The following FCHSD2 variants were observed in gnomAD, a reference collection of about 807,000 sequenced individuals.
FCHSD2 encodes the protein FCH and double SH3 domains 2.
A neutral mutation model predicts 108.1 loss-of-function variants in FCHSD2; 38 were observed. The observed-to-expected ratio is 0.35, with a 90% confidence interval of 0.27 to 0.46. The LOEUF (loss-of-function observed/expected upper bound fraction) is 0.46, where lower values mean the gene tolerates loss of function less well. Ranked by LOEUF, FCHSD2 falls within the 20% of genes least tolerant of loss-of-function variation. The pLI, the probability that FCHSD2 is intolerant of heterozygous loss-of-function variation, is 1.00. For synonymous variants in FCHSD2, 279 were observed against 314.7 expected (o/e 0.89, Z 1.20); for missense variants, 751 against 897.8 (o/e 0.84, Z 2.09).
Position 72,984,225 on chromosome 11 carries a change from T to C in FCHSD2, c.577-9A>G, listed in dbSNP as rs756263135. ...GATCGCCGGGCTTTTAACTAAAACA[T>C]AGCAAAATAAAATAATCAGTGCAAA... On this transcript the variant is annotated splice_polypyrimidine_tract_variant and intron_variant, in intron 7 of 19. Transcript: ENST00000409418. The C allele has an allele frequency of 1.4e-5, 22 of 1,613,384 alleles. No homozygotes were observed. The highest frequency in any genetic ancestry group is 6.7e-5 in the East Asian group (3 of 44,878).
At chr11:73,022,450 T>C (rs564737496) in intron 3 of FCHSD2, among the ~76,000 whole-genome samples, 3 of 152,322 alleles carry the variant, frequency 2.0e-5, no homozygotes, top group Non-Finnish European at 2.9e-5. Flanking sequence ...CCAAAGTTAA[T>C]TGCTCTCCTA....
At chr11:73,031,538 T>C (rs1488161283) in intron 3 of FCHSD2, among the ~76,000 whole-genome samples, 2 of 152,092 alleles carry the variant, frequency 1.3e-5, no homozygotes, top group African/African-American at 2.4e-5. Flanking sequence ...GAGACAGTAA[T>C]GCCAACATTT....
intron 2 of FCHSD2, among the ~76,000 whole-genome samples, chr11:73,097,771 T>A (rs1860126252): frequency 6.6e-6 from 1 of 152,196 alleles, no homozygotes. Context: ...ATTATTCATG[T>A]TATCATAATC....
At chr11:73,138,565 T>C (rs1861175500) in intron 2 of FCHSD2, among the ~76,000 whole-genome samples, 3 of 152,164 alleles carry the variant, frequency 2.0e-5, no homozygotes, top group Non-Finnish European at 4.4e-5. Context: ...AACCTTACAT[T>C]TTTAACCATG....
chr11:73,047,652 T>C (rs187371368), intron 3 of FCHSD2, among the ~76,000 whole-genome samples: 151 of 152,366 alleles, frequency 9.9e-4, no homozygotes, highest in African/African-American at 3.2e-3. Flanking sequence ...ATTTATGCTC[T>C]TTCTTTCAGA....
At chr11:73,062,451 C>G (rs1859190424) in intron 3 of FCHSD2, among the ~76,000 whole-genome samples, 1 of 152,140 alleles carries the variant, frequency 6.6e-6, no homozygotes, top group Admixed American at 6.6e-5. Flanking sequence ...GACAAATTGA[C>G]AGAAATAGGC....
At chr11:72,931,380 T>C (rs1304036611) in intron 8 of FCHSD2, among the ~76,000 whole-genome samples, 1 of 149,046 alleles carries the variant, frequency 6.7e-6, no homozygotes, top group Non-Finnish European at 1.5e-5. Flanking sequence ...GTGCTGGGAC[T>C]ACAGGTGTGA....
chr11:72,912,707 A>G (rs1435573078), intron 9 of FCHSD2, among the ~76,000 whole-genome samples: 1 of 152,098 alleles, frequency 6.6e-6, no homozygotes, highest in African/African-American at 2.4e-5. Context: ...GGTATTAGTT[A>G]TTCTTTAAAT....
chr11:73,050,727 T>C (rs953146181), intron 3 of FCHSD2, among the ~76,000 whole-genome samples: 1 of 152,234 alleles, frequency 6.6e-6, no homozygotes, highest in Non-Finnish European at 1.5e-5. Flanking sequence ...TTGAACGTTA[T>C]GTCTCCATTC....
intron 8 of FCHSD2, among the ~76,000 whole-genome samples, chr11:72,978,435 T>C (rs138656618): frequency 6.3e-4 from 96 of 152,332 alleles, no homozygotes; most frequent in South Asian, 1.7e-3. Flanking sequence ...CTCAATATCA[T>C]TGACCATCAG....
intron 8 of FCHSD2, among the ~76,000 whole-genome samples, chr11:72,950,658 T>C (rs1026121455): frequency 5.3e-5 from 8 of 152,048 alleles, no homozygotes; most frequent in African/African-American, 1.9e-4. Context: ...TAGTCTTTTG[T>C]ATTTCCCTTT....
At chr11:72,862,610 T>C (rs887738583) in intron 13 of FCHSD2, among the ~76,000 whole-genome samples, 1 of 152,258 alleles carries the variant, frequency 6.6e-6, no homozygotes, top group Non-Finnish European at 1.5e-5. Context: ...GTATATTATG[T>C]TCATGGATTG....
At position 72,971,781 on chromosome 11, in the gene FCHSD2, G is replaced by T. The variant is rs555315584; in HGVS notation, c.705+12307C>A. The stretch of plus-strand genomic sequence containing the variant: ...TGTGAAACCCTAAGCAGAGAACCTG[G>T]CTAAGCCTACTTGGACTTCTGACCT... On this transcript the variant is annotated intron_variant, in intron 8 of 19. Transcript: ENST00000409418. Among the ~76,000 whole-genome samples the T allele has an allele frequency of 7.2e-5, 11 of 152,274 alleles. No individual in the cohort carries two copies. The South Asian group carries it at 2.3e-3, about 32-fold the overall frequency.
In FCHSD2 at chr11:72,962,763, A is replaced by T. The variant is rs562309312; in HGVS notation, c.705+21325T>A. 7.9e-5 allele frequency among the ~76,000 whole-genome samples: 12 copies of T among 152,312 alleles called. 1 individual carries two copies. The East Asian group carries it at 1.2e-3, about 15-fold the overall frequency. On this transcript the variant is annotated intron_variant, in intron 8 of 19. Transcript: ENST00000409418. ...GGAGCCAGCACAGGTTAAAATAAAA[A>T]AAAAAATCACACCAAAATGATATCA...
At chr11:73,063,933 A>T (rs1157735058) in intron 3 of FCHSD2, among the ~76,000 whole-genome samples, 1 of 152,204 alleles carries the variant, frequency 6.6e-6, no homozygotes. Flanking sequence ...CTCTGGGCCA[A>T]GCAGACCTAA....
chr11:72,962,127 A>AG (rs1228894212), intron 8 of FCHSD2, among the ~76,000 whole-genome samples: 1 of 152,190 alleles, frequency 6.6e-6, no homozygotes, highest in East Asian at 1.9e-4. Context: ...GAGGTTCTCA[A>AG]GGTAAGATCA....
intron 13 of FCHSD2, among the ~76,000 whole-genome samples, chr11:72,852,284 T>A (rs1861312554): frequency 6.6e-6 from 1 of 152,176 alleles, no homozygotes; most frequent in African/African-American, 2.4e-5. Flanking sequence ...GAGTATAAAT[T>A]AGTTCAGCCA....
intron 3 of FCHSD2, among the ~76,000 whole-genome samples, chr11:73,053,980 C>T (rs1247075815): frequency 2.0e-5 from 3 of 151,998 alleles, no homozygotes; most frequent in Admixed American, 1.3e-4. Context: ...CAAAAATGTC[C>T]ATCTACAAAT....
intron 3 of FCHSD2, among the ~76,000 whole-genome samples, chr11:73,018,473 AT>A (rs2135436360): frequency 6.7e-6 from 1 of 148,780 alleles, no homozygotes; most frequent in South Asian, 2.1e-4. Flanking sequence ...TGGTTTAAAT[AT>A]TTGTCTGTTT....
Sources: allele counts gnomAD v4.1 joint callset (sites outside exome capture counted in the v4.1 genomes callset), GRCh38; gene constraint gnomAD v4.1.1; transcripts MANE v1.5; gene names NCBI Gene and HGNC (gene_info 2026-07-23, HGNC 2026-07-21).